The following ISX variants were observed in gnomAD, a reference collection of about 807,000 sequenced individuals.
The protein encoded by ISX is intestine-specific homeobox.
A neutral mutation model predicts 16.9 loss-of-function variants in ISX; 15 were observed. The observed-to-expected ratio is 0.89, with a 90% CI of 0.59 to 1.36. The LOEUF (loss-of-function observed/expected upper bound fraction) is 1.36, where lower values mean the gene tolerates loss of function less well. Ranked by LOEUF, ISX falls within the 40% of genes most tolerant of loss-of-function variation. ISX has a pLI of 0.00. For missense variants in ISX, 316 were observed against 306.1 expected (o/e 1.03, Z -0.24); for synonymous variants, 125 against 119.7 (o/e 1.04, Z -0.29).
chr22:35,082,329 TGGGTGA>T, intron 2 of ISX, among the ~76,000 whole-genome samples, 183 bp from the exon 3 acceptor site: 1 of 152,284 alleles, frequency 6.6e-6, no homozygotes, highest in East Asian at 1.9e-4. Context: ...ATGTCCATGG[TGGGTGA>T]GGGTCGGTCT....
At chr22:35,083,410 C>T (rs1929169814) in intron 3 of ISX, among the ~76,000 whole-genome samples, 1 of 152,196 alleles carries the variant, frequency 6.6e-6, no homozygotes, top group Non-Finnish European at 1.5e-5. Context: ...CACCAACAGG[C>T]TAATCTCTCA....
rs1928716370 is a variant in ISX at position 35,067,029 on chromosome 22, T to G, written c.-59T>G. ...ACCCCAGGAGGTTCAGGGGAGGAAG[T>G]ACGCCACTCTCCACTGGCACCCTCC... On this transcript the variant is annotated 5_prime_UTR_variant, in exon 2 of 5. Coordinates refer to ENST00000404699, the MANE Select transcript of ISX (RefSeq NM_001303508.2). 7.5e-7 allele frequency: 1 copy of G among 1,340,670 alleles called. No individual in the cohort carries two copies. Among genetic ancestry groups the G allele is most frequent in the Admixed American group, 1.8e-5 (1 of 55,776 alleles). 83.0% of individuals were successfully genotyped at this position (1,340,670 alleles called of 1,614,324 possible). A position where few individuals can be genotyped will look rare whatever the true frequency, so the allele number is the denominator to read the frequency against.
At position 35,084,479 on chromosome 22, in the gene ISX, C is replaced by A; in HGVS notation, c.478C>A (p.Pro160Thr). 2.5e-6 allele frequency: 4 copies of A among 1,611,752 alleles called. No individual in the cohort carries two copies. The highest frequency in any genetic ancestry group is 3.4e-6 in the Non-Finnish European group (4 of 1,178,588). The change falls in exon 4 of 5, where the codon CCC (proline) becomes ACC (threonine). Residue 160 changes from proline to threonine, a missense_variant. Pro to Thr is a conservative substitution (Grantham distance 38). Transcript: ENST00000404699. ...GCTGAGTGAAGCCAGTGTGGCCCTG[C>A]CCACAAATCTGGATGTGGCTGTAAG... ...QQLSEASVALPTNLDVAGPTW... is the reference protein window; with the variant it reads ...QQLSEASVALTTNLDVAGPTW...
chr22:35,085,982 CTG>C lies in ISX; in HGVS notation c.*293_*294del. 2.2e-6 allele frequency: 1 copy of C among 460,290 alleles called. No homozygotes were observed. The highest frequency in any genetic ancestry group is 4.0e-6 in the Non-Finnish European group (1 of 249,780). The allele number at this position is 460,290 out of a possible 1,614,324, so 28.5% of individuals were successfully genotyped here. A position where few individuals can be genotyped will look rare whatever the true frequency, so the allele number is the denominator to read the frequency against. On this transcript the variant is annotated 3_prime_UTR_variant, in exon 5 of 5. Transcript: ENST00000404699. ...AAATAGGGAGGTAATCCTCCAGCAC[CTG>C]TGTTTCCTCTAACTTGCTGTGTGAC...
chr22:35,068,225 A>G (rs1438835768), intron 2 of ISX, among the ~76,000 whole-genome samples: 1 of 152,202 alleles, frequency 6.6e-6, no homozygotes. Context: ...TGAGGTTCTC[A>G]GTTCTCTCCC....
At chr22:35,074,140 A>T (rs1183614258) in intron 2 of ISX, among the ~76,000 whole-genome samples, 1 of 152,172 alleles carries the variant, frequency 6.6e-6, no homozygotes, top group Non-Finnish European at 1.5e-5. Context: ...CTTGCTGCTA[A>T]TTGGCATTCT....
chr22:35,085,106 T>C lies in ISX; in HGVS notation c.499-348T>C, dbSNP rs113395893. Among the ~76,000 whole-genome samples, 303 of 152,280 alleles carry C rather than the reference T, an allele frequency of 2.0e-3. 4 individuals carry two copies. Among genetic ancestry groups the C allele is most frequent in the African/African-American group, 6.9e-3 (286 of 41,552 alleles). ...GTTAAAGGTTTTTACATACCCACAGTGATGCCATGAGATGAGATTTCTCAT... is the reference window on the plus strand; with the variant it reads ...GTTAAAGGTTTTTACATACCCACAGCGATGCCATGAGATGAGATTTCTCAT... On this transcript the variant is annotated intron_variant, in intron 4 of 4. Transcript: ENST00000404699.
In ISX at chr22:35,067,233, C is replaced by A; in HGVS notation, c.146C>A (p.Pro49Gln). 1 of 1,608,306 alleles carries A rather than the reference C, an allele frequency of 6.2e-7. No homozygotes were observed. Among genetic ancestry groups the A allele is most frequent in the Non-Finnish European group, 8.5e-7 (1 of 1,177,412 alleles). ...GCCAGGAGGAGTGATATGGACAGAC[C>A]AGAAGGGCCAGGTGAAGAGGGCCCC... ...RPARRSDMDRPEGPGEEGPGE... is the reference protein window; with the variant it reads ...RPARRSDMDRQEGPGEEGPGE... The change falls in exon 2 of 5, where the codon CCA becomes CAA. Residue 49 changes from proline to glutamine, a missense_variant. Pro to Gln is a moderately conservative substitution (Grantham distance 76). Coordinates refer to ENST00000404699, the MANE Select transcript of ISX (RefSeq NM_001303508.2).
chr22:35,069,512 G>A (rs1317518706), intron 2 of ISX, among the ~76,000 whole-genome samples: 48 of 152,256 alleles, frequency 3.2e-4, no homozygotes, highest in Non-Finnish European at 2.9e-5. Context: ...GACATGCCAT[G>A]ACCAACTTAA....
At chr22:35,079,624 C>A (rs943818320) in intron 2 of ISX, among the ~76,000 whole-genome samples, 1 of 152,048 alleles carries the variant, frequency 6.6e-6, no homozygotes, top group African/African-American at 2.4e-5. Context: ...GTAAGTGACC[C>A]TGGGACAAGA....
intron 2 of ISX, among the ~76,000 whole-genome samples, chr22:35,078,386 T>G (rs1336592507): frequency 6.6e-6 from 1 of 152,218 alleles, no homozygotes; most frequent in African/African-American, 2.4e-5. Context: ...CTGCCATTTC[T>G]CTCTACATCA....
intron 2 of ISX, among the ~76,000 whole-genome samples, chr22:35,082,220 T>C (rs1929137085): frequency 6.6e-6 from 1 of 152,284 alleles, no homozygotes; most frequent in South Asian, 2.1e-4. Context: ...AGCCATAGTT[T>C]GCCATCTCCT....
chr22:35,070,832 A>T (rs1569111008), intron 2 of ISX, among the ~76,000 whole-genome samples: 1 of 152,204 alleles, frequency 6.6e-6, no homozygotes, highest in Non-Finnish European at 1.5e-5. Flanking sequence ...GTAGCAAGGG[A>T]CAGCAATGTT....
rs1221906978 is a variant in ISX at position 35,086,712 on chromosome 22, T to C, written c.*1019T>C. 5 of 152,226 alleles carry C rather than the reference T, an allele frequency of 3.3e-5. No homozygotes were observed. The highest frequency in any genetic ancestry group is 9.7e-5 in the African/African-American group (4 of 41,448). 9.4% of individuals were successfully genotyped at this position (152,226 alleles called of 1,614,324 possible). A position where few individuals can be genotyped will look rare whatever the true frequency, so the allele number is the denominator to read the frequency against. ...TTTGCAAAGTGAGGGCAAGGCCCAG[T>C]GTGGAGTGATATTGTTATTCCAAGA... On this transcript the variant is annotated 3_prime_UTR_variant, in exon 5 of 5. Transcript: ENST00000404699.
At chr22:35,066,716 C>A (rs558834907) in intron 1 of ISX, 36 bp from the exon 2 acceptor site, 2 of 207,970 alleles carry the variant, frequency 9.6e-6, no homozygotes, top group East Asian at 1.2e-4. Context: ...TTGTTTCTCC[C>A]TCTTCTCTTT....
At chr22:35,078,065 C>T (rs5750056) in intron 2 of ISX, among the ~76,000 whole-genome samples, 22,429 of 152,010 alleles carry the variant, frequency 0.15, 2,710 homozygotes, top group African/African-American at 0.33. Flanking sequence ...GGTTCCACAC[C>T]CCACATTCTC....
intron 2 of ISX, 131 bp downstream of exon 2, chr22:35,067,447 T>C (rs1190747290): frequency 7.5e-6 from 5 of 663,698 alleles, no homozygotes; most frequent in Non-Finnish European, 1.0e-5. Flanking sequence ...GACCTGGCTC[T>C]GGGCTGGTTT....
intron 1 of ISX, 46 bp downstream of exon 1, chr22:35,066,508 C>T (rs940944252): frequency 1.2e-4 from 18 of 155,590 alleles, no homozygotes; most frequent in Non-Finnish European, 1.9e-4. Context: ...GAAGTAAACA[C>T]GGGTGTCTGG....
chr22:35,083,905 C>T (rs376845368), intron 3 of ISX, among the ~76,000 whole-genome samples: 14 of 152,246 alleles, frequency 9.2e-5, no homozygotes, highest in African/African-American at 1.4e-4. Context: ...AATATTCAGC[C>T]GGCCAAGAGG....
Sources: gnomAD v4.1 joint callset for allele counts (sites outside exome capture counted in the v4.1 genomes callset) on GRCh38, gnomAD v4.1.1 for gene constraint, MANE v1.5 for transcripts, NCBI Gene and HGNC (gene_info 2026-07-23, HGNC 2026-07-21) for gene names.